LRRC8C: variants seen among roughly 807,000 people sequenced by gnomAD.
LRRC8C encodes volume-regulated anion channel subunit LRRC8C.
In LRRC8C, 20 loss-of-function variants were observed where a neutral mutation model predicts 55.3. That is an observed-to-expected ratio of 0.36 (90% CI 0.25 to 0.53). The LOEUF is 0.53. Among genes scored for constraint, LRRC8C ranks in the 20% least tolerant of loss-of-function variants. The probability of loss-of-function intolerance (pLI) is 0.92; values close to 1 mark genes in which losing one functional copy is unlikely to be tolerated. For missense variants in LRRC8C, 659 were observed against 951.4 expected (o/e 0.69, Z 4.04); for synonymous variants, 376 against 360.7 (o/e 1.04, Z -0.48).
intron 1 of LRRC8C, among the ~76,000 whole-genome samples, chr1:89,678,410 G>A (rs1459502772): frequency 6.6e-6 from 1 of 152,154 alleles, no homozygotes; most frequent in Non-Finnish European, 1.5e-5. Flanking sequence ...AATACATCAA[G>A]AAACACAAGG....
chr1:89,638,725 A>AATT (rs1210772820), intron 1 of LRRC8C, among the ~76,000 whole-genome samples: 1 of 152,106 alleles, frequency 6.6e-6, no homozygotes, highest in African/African-American at 2.4e-5. Flanking sequence ...TCCCAATTTT[A>AATT]CATTGACAAA....
intron 2 of LRRC8C, chr1:89,706,189 A>T (rs1010870442): frequency 1.4e-5 from 6 of 421,710 alleles, no homozygotes; most frequent in Non-Finnish European, 2.8e-5. Flanking sequence ...TATAGTAGAT[A>T]CTACTGCAGA....
At chr1:89,710,042 C>T (rs1658605721) in intron 2 of LRRC8C, among the ~76,000 whole-genome samples, 1 of 152,214 alleles carries the variant, frequency 6.6e-6, no homozygotes, top group African/African-American at 2.4e-5. Flanking sequence ...TGAGTCACGG[C>T]ACCCAGCCTG....
At chr1:89,662,218 A>G (rs1198427477) in intron 1 of LRRC8C, among the ~76,000 whole-genome samples, 1 of 152,210 alleles carries the variant, frequency 6.6e-6, no homozygotes, top group Non-Finnish European at 1.5e-5. Context: ...CTGTTGGGTC[A>G]TATTCAAAGC....
intron 1 of LRRC8C, among the ~76,000 whole-genome samples, chr1:89,686,246 T>C (rs1657879274): frequency 6.6e-6 from 1 of 152,158 alleles, no homozygotes; most frequent in Non-Finnish European, 1.5e-5. Flanking sequence ...AAAGGGAACC[T>C]TGTCATTGGA....
the LRRC8C span, among the ~76,000 whole-genome samples, chr1:89,622,098 A>G: frequency 6.6e-6 from 1 of 152,130 alleles, no homozygotes; most frequent in African/African-American, 2.4e-5. Context: ...AAAAAATGAC[A>G]TTTTCCAGCA....
intron 1 of LRRC8C, among the ~76,000 whole-genome samples, chr1:89,635,854 G>C (rs1236946821): frequency 6.6e-6 from 1 of 152,188 alleles, no homozygotes; most frequent in African/African-American, 2.4e-5. Flanking sequence ...CTCATGGGCT[G>C]TAACACACTC....
chr1:89,683,532 A>G (rs867819739), intron 1 of LRRC8C, among the ~76,000 whole-genome samples: 1 of 151,806 alleles, frequency 6.6e-6, no homozygotes, highest in Non-Finnish European at 1.5e-5. Context: ...TAATTTTTGT[A>G]TTTTTAGTAG....
In LRRC8C at chr1:89,719,483, G is replaced by T. The variant is rs1197466826; in HGVS notation, c.*4501G>T. 6.6e-6 allele frequency: 1 copy of T among 152,090 alleles called. No individual in the cohort carries two copies. Among genetic ancestry groups the T allele is most frequent in the Non-Finnish European group, 1.5e-5 (1 of 68,006 alleles). 9.4% of individuals were successfully genotyped at this position (152,090 alleles called of 1,614,324 possible). On this transcript the variant is annotated 3_prime_UTR_variant, in exon 3 of 3. Coordinates refer to ENST00000370454, the MANE Select transcript of LRRC8C (RefSeq NM_032270.5). Reference sequence around the variant, plus strand: ...TGATAAAATGTCTTAATGTTATTTGGATATGTAGTACATAGAAACAGAAAA... The same window carrying T: ...TGATAAAATGTCTTAATGTTATTTGTATATGTAGTACATAGAAACAGAAAA...
intron 2 of LRRC8C, among the ~76,000 whole-genome samples, chr1:89,695,114 G>C (rs1424477952): frequency 8.9e-5 from 13 of 146,292 alleles, no homozygotes; most frequent in Middle Eastern, 4.2e-3. Flanking sequence ...TAGAGATGGG[G>C]TTTCACCATG....
intron 2 of LRRC8C, among the ~76,000 whole-genome samples, chr1:89,699,510 C>A (rs1053018809): frequency 2.0e-5 from 3 of 152,152 alleles, no homozygotes; most frequent in Admixed American, 6.5e-5. Context: ...ACCTTCCTTT[C>A]AATTTTGCTG....
chr1:89,703,224 T>C (rs1280242456), intron 2 of LRRC8C, among the ~76,000 whole-genome samples: 1 of 152,038 alleles, frequency 6.6e-6, no homozygotes, highest in East Asian at 1.9e-4. Context: ...GCGCACTAAA[T>C]AACACAAACT....
intron 2 of LRRC8C, among the ~76,000 whole-genome samples, chr1:89,692,604 A>G (rs1353117755): frequency 6.6e-6 from 1 of 152,220 alleles, no homozygotes; most frequent in Admixed American, 6.5e-5. Flanking sequence ...CTGAGCAAGT[A>G]GCTCTTTTCA....
At chr1:89,710,408 T>C (rs1190941808) in intron 2 of LRRC8C, among the ~76,000 whole-genome samples, 1 of 151,972 alleles carries the variant, frequency 6.6e-6, no homozygotes, top group Non-Finnish European at 1.5e-5. Context: ...AACTTTTCTT[T>C]ATATTTATTT....
rs2101167207 is a variant in LRRC8C, at chr1:89,633,326, AG to A, written c.-5+7del. On this transcript the variant is annotated splice_donor_5th_base_variant and intron_variant, in intron 1 of 2. Transcript: ENST00000370454. Reference sequence around the variant, plus strand: ...GTCGACACTCTCGCGCCCGGAGGTAAGGGCGGGGGATCCGCGGAGGGATGGA... The same window carrying A: ...GTCGACACTCTCGCGCCCGGAGGTAAGGCGGGGGATCCGCGGAGGGATGGA... The A allele has an allele frequency of 1.3e-5, 2 of 152,320 alleles. No individual in the cohort carries two copies. Among genetic ancestry groups the A allele is most frequent in the African/African-American group, 4.8e-5 (2 of 41,544 alleles). 9.4% of individuals were successfully genotyped at this position (152,320 alleles called of 1,614,324 possible). A position where few individuals can be genotyped will look rare whatever the true frequency, so the allele number is the denominator to read the frequency against.
chr1:89,652,662 C>G (rs1656823862), intron 1 of LRRC8C, among the ~76,000 whole-genome samples: 1 of 152,136 alleles, frequency 6.6e-6, no homozygotes, highest in South Asian at 2.1e-4. Context: ...GAGGACCACA[C>G]TGGGTGCAGA....
chr1:89,671,107 C>T (rs1334570880), intron 1 of LRRC8C, among the ~76,000 whole-genome samples: 1 of 152,036 alleles, frequency 6.6e-6, no homozygotes, highest in African/African-American at 2.4e-5. Flanking sequence ...GGCTGGAGTG[C>T]AGTGGCTATT....
Position 89,659,060 on chromosome 1 carries a change from TTTGTGTGTGTGTG to T in LRRC8C, c.-5+25740_-5+25752del, listed in dbSNP as rs1326739809. 1.1e-4 allele frequency among the ~76,000 whole-genome samples: 6 copies of T among 54,018 alleles called. 1 individual carries two copies. The highest frequency in any genetic ancestry group is 3.9e-4 in the African/African-American group (6 of 15,534). The allele number at this position is 54,018 out of a possible 152,430, so 35.4% of individuals were successfully genotyped here. A position where few individuals can be genotyped will look rare whatever the true frequency, so the allele number is the denominator to read the frequency against. ...GTGTCTTCTCCAGGTTTTTTTTTTT[TTTGTGTGTGTGTG>T]TGTGTGTGTGTGTGTGTGTGTGTGT... On this transcript the variant is annotated intron_variant, in intron 1 of 2. Transcript: ENST00000370454.
At chr1:89,708,227 A>T (rs1658542843) in intron 2 of LRRC8C, among the ~76,000 whole-genome samples, 1 of 151,986 alleles carries the variant, frequency 6.6e-6, no homozygotes, top group Non-Finnish European at 1.5e-5. Flanking sequence ...GCTCCATGTG[A>T]TAATGTGTGT....
Sources: gnomAD v4.1 joint callset for allele counts (sites outside exome capture counted in the v4.1 genomes callset) on GRCh38, gnomAD v4.1.1 for gene constraint, MANE v1.5 for transcripts, NCBI Gene and HGNC (gene_info 2026-07-23, HGNC 2026-07-21) for gene names.